LARGE2: variants seen among roughly 807,000 people sequenced by gnomAD.
The protein encoded by LARGE2 is LARGE xylosyl- and glucuronyltransferase 2, also known as xylosyl- and glucuronyltransferase LARGE2.
Under a neutral mutation model 75.3 loss-of-function variants are expected in LARGE2, and 63 were observed. The ratio of observed to expected loss-of-function variants is 0.84; its 90% CI spans 0.68 to 1.03. The LOEUF is 1.03. LARGE2 is among the 50% of genes least tolerant of loss of function. The pLI is 0.00. For missense variants in LARGE2, 925 were observed against 980.6 expected (o/e 0.94, Z 0.76); for synonymous variants, 428 against 420.1 (o/e 1.02, Z -0.23).
In LARGE2 at chr11:45,922,902, C is replaced by T. The variant is rs934781940; in HGVS notation, c.20C>T (p.Pro7Leu). The T allele has an allele frequency of 2.0e-5, 26 of 1,274,134 alleles. No homozygotes were observed. Among genetic ancestry groups the T allele is most frequent in the South Asian group, 2.9e-5 (1 of 34,810 alleles). 78.9% of individuals were successfully genotyped at this position (1,274,134 alleles called of 1,614,324 possible). The change falls in exon 2 of 14, where the codon CCC (proline) becomes CTC (leucine). Residue 7 changes from proline (P) to leucine (L), a missense_variant. Coordinates refer to ENST00000401752, the MANE Select transcript of LARGE2 (RefSeq NM_001300721.2). ...GCGGCCATGCTGCCCCGAGGGCGCC[C>T]CCGGGCGCTGGGGGCCGCCGCGCTG... The part of the protein sequence containing the change: MLPRGR[P>L]RALGAAALLL...
In LARGE2 at chr11:45,924,522, T is replaced by A. The variant is rs1343465390; in HGVS notation, c.509T>A (p.Ile170Asn). The A allele has an allele frequency of 2.5e-6, 4 of 1,612,806 alleles. No homozygotes were observed. The highest frequency in any genetic ancestry group is 3.4e-6 in the Non-Finnish European group (4 of 1,179,622). ...CCCACACAGCCCCAGGTCTCCTGGATCCCCAACAAGCACTACTCCGGCCTC... is the reference window on the plus strand; with the variant it reads ...CCCACACAGCCCCAGGTCTCCTGGAACCCCAACAAGCACTACTCCGGCCTC... ...ADQLKPQVSW[I>N]PNKHYSGLYG... Residue 170 changes from isoleucine to asparagine, a missense_variant, in exon 5 of 14, where the codon ATC (isoleucine) becomes AAC (asparagine). Ile to Asn is a moderately radical substitution (Grantham distance 149). Around this residue, in one of 3 missense-constraint regions of LARGE2, gnomAD observed 453 missense variants for 460.2 expected, o/e 0.98. Transcript: ENST00000401752.
chr11:45,924,347 G>A, intron 4 of LARGE2, 70 bp downstream of exon 4: 4 of 1,587,232 alleles, frequency 2.5e-6, no homozygotes, highest in South Asian at 1.1e-5. Flanking sequence ...GACCTGGTGG[G>A]GTTGGAGAAG....
upstream of LARGE2, among the ~76,000 whole-genome samples, chr11:45,922,153 C>A (rs577567730): frequency 1.3e-5 from 2 of 152,196 alleles, no homozygotes; most frequent in African/African-American, 4.8e-5. Context: ...GCCGGCAGGG[C>A]CCGGCCGGGC....
Position 45,926,232 on chromosome 11 carries a change from A to G in LARGE2, c.893A>G (p.Asn298Ser), listed in dbSNP as rs2087137162. ...GGTGTCTCTGCTCAGGACATCTTCA[A>G]CGCTGTGATCAAGGAGCACCCGGGG... Reference protein sequence around the residue: ...ATSLADQDIFNAVIKEHPGLV... With the variant: ...ATSLADQDIFSAVIKEHPGLV... Residue 298 changes from asparagine to serine, a missense_variant, in exon 8 of 14, where the codon AAC becomes AGC. Asn to Ser is a conservative substitution (Grantham distance 46, BLOSUM62 1). Around this residue, in one of 3 missense-constraint regions of LARGE2, gnomAD observed 453 missense variants for 460.2 expected, o/e 0.98. Transcript: ENST00000401752. 1.2e-6 allele frequency: 2 copies of G among 1,614,054 alleles called. No homozygotes were observed. The highest frequency in any genetic ancestry group is 1.3e-5 in the African/African-American group (1 of 75,044).
chr11:45,924,099 G>A, intron 3 of LARGE2, 55 bp from the exon 4 acceptor site: 2 of 1,594,966 alleles, frequency 1.3e-6, no homozygotes, highest in South Asian at 1.1e-5. Context: ...GGTGGGGGCT[G>A]TCCCATGTTG....
chr11:45,923,153 C>A lies in LARGE2; in HGVS notation c.271C>A (p.Pro91Thr). The change falls in exon 2 of 14, where the codon CCG (proline) becomes ACG (threonine). Residue 91 changes from proline (P) to threonine (T), a missense_variant. Transcript: ENST00000401752. ...CGACTGCGGCCCGCAGCCGCCGCCG[C>A]CGCCCAAGTGCGAGGTAGGTGCGCG... ...RSDCGPQPPP[P>T]PKCELLHVAI... 7.4e-7 allele frequency: 1 copy of A among 1,342,566 alleles called. No individual in the cohort carries two copies. Among genetic ancestry groups the A allele is most frequent in the Non-Finnish European group, 9.5e-7 (1 of 1,055,850 alleles). 83.2% of individuals were successfully genotyped at this position (1,342,566 alleles called of 1,614,324 possible).
upstream of LARGE2, among the ~76,000 whole-genome samples, chr11:45,921,933 C>T (rs1321435241): frequency 6.6e-6 from 1 of 152,184 alleles, no homozygotes; most frequent in Non-Finnish European, 1.5e-5. Flanking sequence ...CAGAGCGCCC[C>T]CCACCCATTC....
At position 45,927,950 on chromosome 11, in the gene LARGE2, C is replaced by T. The variant is rs774539223; in HGVS notation, c.1635C>T (p.Ser545=). 6.2e-7 allele frequency: 1 copy of T among 1,613,374 alleles called. No individual in the cohort carries two copies. Among genetic ancestry groups the T allele is most frequent in the African/African-American group, 1.3e-5 (1 of 74,912 alleles). ...RASIEQLGLG[S]RRKAALVVPA... ...CCATTGAGCAGCTGGGGCTGGGCAGCCGGCGCAAGGCAGCACTGGTGGTGC... is the reference window on the plus strand; with the variant it reads ...CCATTGAGCAGCTGGGGCTGGGCAGTCGGCGCAAGGCAGCACTGGTGGTGC... The change falls in exon 12 of 14, where the codon AGC becomes AGT. Residue 545 remains serine, a synonymous_variant. Transcript: ENST00000401752.
rs1410407886 is a variant in LARGE2, at chr11:45,922,899, GC to G, written c.22del (p.Arg8GlyfsTer109). On this transcript the variant is annotated frameshift_variant, in exon 2 of 14. Transcript: ENST00000401752. LOFTEE classifies it high-confidence loss of function. Reference sequence around the variant, plus strand: ...TCGGCGGCCATGCTGCCCCGAGGGCGCCCCCGGGCGCTGGGGGCCGCCGCGC... The same window carrying G: ...TCGGCGGCCATGCTGCCCCGAGGGCGCCCCGGGCGCTGGGGGCCGCCGCGC... MLPRG[R>X]PRALGAAALL... is the part of the protein sequence containing the mutation. The G allele has an allele frequency of 5.5e-6, 7 of 1,270,214 alleles. No homozygotes were observed. The highest frequency in any genetic ancestry group is 3.1e-5 in the East Asian group (1 of 31,808). The allele number at this position is 1,270,214 out of a possible 1,614,324, so 78.7% of individuals were successfully genotyped here.
chr11:45,923,127 C>T lies in LARGE2; in HGVS notation c.245C>T (p.Ser82Phe). The change falls in exon 2 of 14, where the codon TCC becomes TTC. Residue 82 changes from serine (S) to phenylalanine (F), a missense_variant. By Grantham distance (155) the Ser-to-Phe change is radical (BLOSUM62 -2). Coordinates refer to ENST00000401752, the MANE Select transcript of LARGE2 (RefSeq NM_001300721.2). ...PGAGPGDHNRSDCGPQPPPPP... is the reference protein window; with the variant it reads ...PGAGPGDHNRFDCGPQPPPPP... ...GCCGGCCCCGGGGACCACAACCGCTCCGACTGCGGCCCGCAGCCGCCGCCG... is the reference window on the plus strand; with the variant it reads ...GCCGGCCCCGGGGACCACAACCGCTTCGACTGCGGCCCGCAGCCGCCGCCG... 7.3e-7 allele frequency: 1 copy of T among 1,361,664 alleles called. No individual in the cohort carries two copies. The highest frequency in any genetic ancestry group is 9.4e-7 in the Non-Finnish European group (1 of 1,065,884). The allele number at this position is 1,361,664 out of a possible 1,614,324, so 84.3% of individuals were successfully genotyped here. A position where few individuals can be genotyped will look rare whatever the true frequency, so the allele number is the denominator to read the frequency against.
chr11:45,926,681 C>G, intron 9 of LARGE2, 30 bp from the exon 10 acceptor site: 2 of 1,611,988 alleles, frequency 1.2e-6, no homozygotes, highest in Non-Finnish European at 1.7e-6. Flanking sequence ...CTGCCCTATC[C>G]CCGGTCCTTG....
chr11:45,922,281 G>A (rs1292302471), upstream of LARGE2, among the ~76,000 whole-genome samples: 1 of 152,160 alleles, frequency 6.6e-6, no homozygotes, highest in African/African-American at 2.4e-5. Flanking sequence ...CCTGCGGCCT[G>A]CATTCCGGCC....
rs748667135 is a variant in LARGE2 at position 45,926,577 on chromosome 11, C to T, written c.1144C>T (p.Pro382Ser). The T allele has an allele frequency of 7.4e-6, 12 of 1,614,034 alleles. No individual in the cohort carries two copies. Among genetic ancestry groups the T allele is most frequent in the Non-Finnish European group, 1.0e-5 (12 of 1,180,018 alleles). Reference protein sequence around the residue: ...RRELFVCPSQPPPGAEQLQQA... With the variant: ...RRELFVCPSQSPPGAEQLQQA... ...AGAGCTCTTTGTGTGCCCCAGCCAG[C>T]CCCCACCTGGTGCTGAGCAGGTGAG... The change falls in exon 9 of 14, where the codon CCC (proline) becomes TCC (serine). Residue 382 changes from proline to serine, a missense_variant. Transcript: ENST00000401752.
chr11:45,922,535 G>A (rs952649182), upstream of LARGE2, among the ~76,000 whole-genome samples: 2 of 152,080 alleles, frequency 1.3e-5, no homozygotes, highest in Non-Finnish European at 2.9e-5. Flanking sequence ...CGCGGGCTGG[G>A]GAACCGTCGG....
In LARGE2 at chr11:45,927,503, G is replaced by T; in HGVS notation, c.1514G>T (p.Arg505Leu). The change falls in exon 11 of 14, where the codon CGC becomes CTC. Residue 505 changes from arginine to leucine, a missense_variant. Transcript: ENST00000401752. ...EGPLYPVNQL[R>L]NVALAQALTP... Reference sequence around the variant, plus strand: ...CCCCTATACCCCGTCAACCAGCTTCGCAACGTGGCCTTGGCCCAGGCCCTC... The same window carrying T: ...CCCCTATACCCCGTCAACCAGCTTCTCAACGTGGCCTTGGCCCAGGCCCTC... 6.2e-7 allele frequency: 1 copy of T among 1,614,180 alleles called. No homozygotes were observed. Among genetic ancestry groups the T allele is most frequent in the Non-Finnish European group, 8.5e-7 (1 of 1,180,028 alleles).
In LARGE2 at chr11:45,926,467, AG is replaced by A; in HGVS notation, c.1035del (p.Lys345AsnfsTer4). ...GTGATCCACTGGAACTCACCAAAGA[AG>A]CTTCGGGTGAAGAACAAGCATGTGG... ...LKVIHWNSPKKLRVKNKHVEF... is the reference protein window; with the variant it reads ...LKVIHWNSPKXLRVKNKHVEF... On this transcript the variant is annotated frameshift_variant, in exon 9 of 14. Coordinates refer to ENST00000401752, the MANE Select transcript of LARGE2 (RefSeq NM_001300721.2). LOFTEE classifies it high-confidence loss of function. 14 of 1,614,122 alleles carry A rather than the reference AG, an allele frequency of 8.7e-6. No homozygotes were observed. Among genetic ancestry groups the A allele is most frequent in the Non-Finnish European group, 1.0e-5 (12 of 1,180,028 alleles).
Position 45,924,194 on chromosome 11 carries a change from G to A in LARGE2, c.409G>A (p.Ala137Thr). Residue 137 changes from alanine to threonine, a missense_variant, in exon 4 of 14, where the codon GCC becomes ACC. By Grantham distance (58) the Ala-to-Thr change is moderately conservative. Coordinates refer to ENST00000401752, the MANE Select transcript of LARGE2 (RefSeq NM_001300721.2). Reference sequence around the variant, plus strand: ...CCTCCACTTGGTGACTGACGCCGTGGCCAGAAACATCCTGGAGACGCTCTT... The same window carrying A: ...CCTCCACTTGGTGACTGACGCCGTGACCAGAAACATCCTGGAGACGCTCTT... ...LHLHLVTDAV[A>T]RNILETLFHT... The A allele has an allele frequency of 2.5e-6, 4 of 1,612,760 alleles. No individual in the cohort carries two copies. Among genetic ancestry groups the A allele is most frequent in the Non-Finnish European group, 3.4e-6 (4 of 1,179,912 alleles).
rs966272132 is a variant in LARGE2 at position 45,929,068 on chromosome 11, C to T, written c.*223C>T. 37 of 609,640 alleles carry T rather than the reference C, an allele frequency of 6.1e-5. No homozygotes were observed. The highest frequency in any genetic ancestry group is 5.6e-4 in the African/African-American group (30 of 54,042). The allele number at this position is 609,640 out of a possible 1,614,324, so 37.8% of individuals were successfully genotyped here. ...TTCCCCCATCTTGAATTGTTTATCC[C>T]TTTTTCATAATTAAAGTTTTAAAAC... On this transcript the variant is annotated 3_prime_UTR_variant, in exon 14 of 14. Transcript: ENST00000401752.
chr11:45,923,647 C>T, intron 3 of LARGE2, 92 bp downstream of exon 3: 1 of 1,143,102 alleles, frequency 8.7e-7, no homozygotes, highest in South Asian at 1.3e-5. Flanking sequence ...GCTTCCTCAT[C>T]TGTGACGCGG....
Sources: gnomAD v4.1 joint callset for allele counts (sites outside exome capture counted in the v4.1 genomes callset) on GRCh38, gnomAD v4.1.1 for gene constraint, gnomAD v4.1.1 regional missense constraint, MANE v1.5 for transcripts, NCBI Gene and HGNC (gene_info 2026-07-23, HGNC 2026-07-21) for gene names.